ANO7: variants seen among roughly 807,000 people sequenced by gnomAD.
The protein encoded by ANO7 is anoctamin 7, also known as anoctamin-7.
ANO7 carries 114 observed loss-of-function variants against 115.8 expected under a neutral mutation model. The observed-to-expected ratio is 0.98, with a 90% CI of 0.85 to 1.15. The LOEUF (loss-of-function observed/expected upper bound fraction) is 1.15. Ranked by LOEUF, ANO7 falls within the 50% of genes most tolerant of loss-of-function variation. The probability of loss-of-function intolerance (pLI) is 0.00; values close to 1 mark genes in which losing one functional copy is unlikely to be tolerated. For synonymous variants in ANO7, 550 were observed against 498.2 expected (o/e 1.10, Z -1.38); for missense variants, 1,302 against 1,201.2 (o/e 1.08, Z -1.24).
At position 241,209,777 on chromosome 2, in the gene ANO7, T is replaced by G. The variant is rs1028718433; in HGVS notation, c.1359+142T>G. On this transcript the variant is annotated intron_variant, in intron 13 of 24. Coordinates refer to ENST00000674324, the MANE Select transcript of ANO7 (RefSeq NM_001370694.2). The stretch of plus-strand genomic sequence containing the variant: ...CTCACTCCCCGCAGAGAGGCCCCCA[T>G]GTGCCCGGGCTCGGCCGTGGGGTCC... 10 of 1,251,982 alleles carry G rather than the reference T, an allele frequency of 8.0e-6. No individual in the cohort carries two copies. The African/African-American group carries it at 9.1e-5, about 11-fold the overall frequency. The allele number at this position is 1,251,982 out of a possible 1,614,324, so 77.6% of individuals were successfully genotyped here.
At chr2:241,235,623 G>A in the ANO7 span, 11 of 1,519,506 alleles carry the variant, frequency 7.2e-6, no homozygotes, top group Middle Eastern at 1.7e-4. Context: ...TGGTTAGGCC[G>A]TGGGAGCTGA....
chr2:241,231,790 A>C, the ANO7 span, among the ~76,000 whole-genome samples: 22 of 152,166 alleles, frequency 1.4e-4, no homozygotes, highest in Admixed American at 9.2e-4. Flanking sequence ...AGTTCAGGGC[A>C]TAGAGAAGGA....
rs190994950 is a variant in ANO7 at position 241,192,768 on chromosome 2, G to A, written c.166+1517G>A. 2.4e-4 allele frequency among the ~76,000 whole-genome samples: 36 copies of A among 152,298 alleles called. No individual in the cohort carries two copies. The East Asian group carries it at 6.2e-3, about 26-fold the overall frequency. On this transcript the variant is annotated intron_variant, in intron 3 of 24. Transcript: ENST00000674324. ...AAAAAGGCAGAAAAGTCTGACACAG[G>A]CTGCAACGGGGATGCGCCTTGTGGA...
chr2:241,202,142 G>A, intron 7 of ANO7, 52 bp from the exon 8 acceptor site: 1 of 1,519,812 alleles, frequency 6.6e-7, no homozygotes, highest in Non-Finnish European at 9.1e-7. Context: ...GGACTTCCCT[G>A]TTCTGCTATC....
intron 21 of ANO7, among the ~76,000 whole-genome samples, chr2:241,220,625 C>T (rs1318963899): frequency 8.5e-5 from 13 of 152,192 alleles, no homozygotes; most frequent in Admixed American, 8.5e-4. Context: ...CACCGTGAAA[C>T]CCCATCTCTA....
At chr2:241,210,965 T>A (rs904474886) in intron 15 of ANO7, among the ~76,000 whole-genome samples, 1 of 152,164 alleles carries the variant, frequency 6.6e-6, no homozygotes, top group Non-Finnish European at 1.5e-5. Flanking sequence ...CCACAGCACC[T>A]GGTTTTCTTT....
At chr2:241,236,611 A>G in the ANO7 span, 2 of 1,613,568 alleles carry the variant, frequency 1.2e-6, no homozygotes, top group Non-Finnish European at 1.7e-6. Flanking sequence ...ACATGGACAC[A>G]TACCTCCAGA....
chr2:241,212,925 G>A (rs1268497493), intron 17 of ANO7: 3 of 403,614 alleles, frequency 7.4e-6, no homozygotes, highest in East Asian at 1.0e-4. Context: ...TTAAGCCCAA[G>A]AGTACGAGAC....
chr2:241,217,691 C>T lies in ANO7; in HGVS notation c.1978C>T (p.Gln660Ter). Residue 660 changes from glutamine to a stop codon, truncating the protein, a stop_gained, in exon 20 of 25, where the codon CAG (glutamine) becomes TAG (stop). Transcript: ENST00000674324. LOFTEE classifies it high-confidence loss of function. ...CCGTGACCCCCTCCCCGCAGTGCTG[C>T]AGTTCGGCTTCGTCACCATCTTCGT... ...LFDEYLEMVL[Q>*]FGFVTIFVAA... The T allele has an allele frequency of 6.3e-7, 1 of 1,584,346 alleles. No homozygotes were observed. Among genetic ancestry groups the T allele is most frequent in the Admixed American group, 1.8e-5 (1 of 56,330 alleles).
At chr2:241,217,609 G>A (rs749933420) in intron 19 of ANO7, 77 bp from the exon 20 acceptor site, 39 of 1,486,648 alleles carry the variant, frequency 2.6e-5, no homozygotes, top group Non-Finnish European at 3.2e-5. Context: ...GGACTGGCCG[G>A]TCCTCCGCGG....
At chr2:241,219,017 A>C (rs2068945147) in intron 21 of ANO7, among the ~76,000 whole-genome samples, 1 of 152,172 alleles carries the variant, frequency 6.6e-6, no homozygotes, top group Non-Finnish European at 1.5e-5. Context: ...GTTTCTTTCC[A>C]GCTTTTTGCT....
At chr2:241,221,319 G>A (rs2069006840) in intron 21 of ANO7, among the ~76,000 whole-genome samples, 1 of 151,500 alleles carries the variant, frequency 6.6e-6, no homozygotes. Context: ...CAGGTGATCC[G>A]CCTGCCTCGG....
rs1191770693 is a variant in ANO7 at position 241,200,117 on chromosome 2, CG to C, written c.448del (p.Ala150ProfsTer31). 3 of 1,612,900 alleles carry C rather than the reference CG, an allele frequency of 1.9e-6. No homozygotes were observed. The highest frequency in any genetic ancestry group is 2.5e-6 in the Non-Finnish European group (3 of 1,179,992). On this transcript the variant is annotated frameshift_variant, in exon 6 of 25. Coordinates refer to ENST00000674324, the MANE Select transcript of ANO7 (RefSeq NM_001370694.2). LOFTEE classifies it high-confidence loss of function. ...QELPNQASNWSAGLLAWLGIP... is the reference protein window; with the variant it reads ...QELPNQASNWXAGLLAWLGIP... ...TTACCCAACCAGGCCTCCAACTGGT[CG>C]GCCGGCCTGCTGGCATGGCTGGGCA... is the stretch of plus-strand genomic sequence containing the variant.
In ANO7 at chr2:241,214,519, C is replaced by T. The variant is rs565060270; in HGVS notation, c.1729-286C>T. On this transcript the variant is annotated intron_variant, in intron 17 of 24. Coordinates refer to ENST00000674324, the MANE Select transcript of ANO7 (RefSeq NM_001370694.2). ...CTTGAAGCCAGAGGCTACAGTCAGC[C>T]CCATGTAACCCCTTGTGGGTCTCCA... 1.4e-4 allele frequency among the ~76,000 whole-genome samples: 22 copies of T among 152,330 alleles called. 1 individual carries two copies. In the South Asian group the frequency reaches 4.1e-3, roughly 29 times the overall value.
chr2:241,223,405 G>A (rs1259456033), intron 22 of ANO7, 129 bp downstream of exon 22: 6 of 1,153,482 alleles, frequency 5.2e-6, no homozygotes, highest in Non-Finnish European at 7.8e-6. Flanking sequence ...TCAAATCAGA[G>A]CTCTTCTCTG....
Position 241,225,763 on chromosome 2 carries a change from G to C in ANO7, c.*1610G>C, listed in dbSNP as rs928949475. 6.6e-6 allele frequency among the ~76,000 whole-genome samples: 1 copy of C among 152,210 alleles called. No homozygotes were observed. The highest frequency in any genetic ancestry group is 1.5e-5 in the Non-Finnish European group (1 of 68,030). On this transcript the variant is annotated 3_prime_UTR_variant, in exon 25 of 25. Coordinates refer to ENST00000674324, the MANE Select transcript of ANO7 (RefSeq NM_001370694.2). ...CCTCCATGGAAGGGCTCTTCCGGCA[G>C]GGATGCAGGCTCACAGCGCCCTGGG...
chr2:241,218,310 G>A lies in ANO7; in HGVS notation c.2250G>A (p.Leu750=), dbSNP rs2149261975. ...AYYRWTRAHD[L]RGFLNFTLAR... ...ACCGGTGGACCCGCGCCCACGACCT[G>A]CGCGGCTTCCTCAACTTCACGCTGG... is the stretch of plus-strand genomic sequence containing the variant. The change falls in exon 21 of 25, where the codon CTG becomes CTA. Residue 750 remains leucine, a synonymous_variant. Transcript: ENST00000674324. The A allele has an allele frequency of 6.5e-7, 1 of 1,532,564 alleles. No homozygotes were observed. Among genetic ancestry groups the A allele is most frequent in the Non-Finnish European group, 8.7e-7 (1 of 1,147,404 alleles). The allele number at this position is 1,532,564 out of a possible 1,614,324, so 94.9% of individuals were successfully genotyped here.
chr2:241,195,667 A>C, intron 3 of ANO7, 36 bp from the exon 4 acceptor site: 1 of 1,603,640 alleles, frequency 6.2e-7, no homozygotes, highest in Non-Finnish European at 8.5e-7. Context: ...ACTGCCACTT[A>C]GCCAGGCTCC....
chr2:241,193,935 G>A (rs1333906469), intron 3 of ANO7, among the ~76,000 whole-genome samples: 1 of 152,128 alleles, frequency 6.6e-6, no homozygotes, highest in African/African-American at 2.4e-5. Context: ...GGAATGCAAG[G>A]GCACGATCTT....
Sources: gnomAD v4.1 joint callset for allele counts (sites outside exome capture counted in the v4.1 genomes callset) on GRCh38, gnomAD v4.1.1 for gene constraint, MANE v1.5 for transcripts, NCBI Gene and HGNC (gene_info 2026-07-23, HGNC 2026-07-21) for gene names.